DDX42: variants seen among roughly 807,000 people sequenced by gnomAD.
DDX42 encodes the protein ATP-dependent RNA helicase DDX42.
A neutral mutation model predicts 101.5 loss-of-function variants in DDX42; 22 were observed. The ratio of observed to expected loss-of-function variants is 0.22; its 90% confidence interval spans 0.15 to 0.31. DDX42 has a LOEUF of 0.31. Among genes scored for constraint, DDX42 ranks in the 10% least tolerant of loss-of-function variants. DDX42 has a pLI of 1.00. For missense variants in DDX42, 849 were observed against 1,199.9 expected, an observed-to-expected ratio of 0.71 and a Z score of 4.32; for synonymous variants, 402 against 401.2, an observed-to-expected ratio of 1.00 and a Z score of -0.02.
chr17:63,811,524 T>C, intron 13 of DDX42: 1 of 348,108 alleles, frequency 2.9e-6, no homozygotes, highest in Non-Finnish European at 5.2e-6. Flanking sequence ...TTTTAATTAT[T>C]GTGGTAGGGG....
intron 3 of DDX42, among the ~76,000 whole-genome samples, chr17:63,794,229 T>TA (rs1197345652): frequency 2.0e-4 from 30 of 152,274 alleles, no homozygotes; most frequent in African/African-American, 7.2e-4. Context: ...CTTTTCATGT[T>TA]ATTCTCCATA....
chr17:63,802,922 A>AAG (rs1277048179), intron 6 of DDX42, among the ~76,000 whole-genome samples: 1 of 151,894 alleles, frequency 6.6e-6, no homozygotes, highest in African/African-American at 2.4e-5. Context: ...AAAAAAAAAA[A>AAG]AAATTCAAGC....
At position 63,813,282 on chromosome 17, in the gene DDX42, G is replaced by A. The variant is rs749284929; in HGVS notation, c.1730G>A (p.Arg577Gln). 2 of 1,613,982 alleles carry A rather than the reference G, an allele frequency of 1.2e-6. No individual in the cohort carries two copies. The highest frequency in any genetic ancestry group is 1.7e-6 in the Non-Finnish European group (2 of 1,179,872). The change falls in exon 15 of 18, where the codon CGA (arginine) becomes CAA (glutamine). Residue 577 changes from arginine (R) to glutamine (Q), a missense_variant. Transcript: ENST00000389924. ...IKTVINYDVA[R>Q]DIDTHTHRIG... ...ACTGTCATTAACTATGATGTGGCAC[G>A]AGACATTGATACCCACACGCATAGG... is the stretch of plus-strand genomic sequence containing the variant.
At position 63,800,913 on chromosome 17, in the gene DDX42, TTTCCTTCCTTCCTTTCTTTCTTTTC is replaced by T. The variant is rs1567738656; in HGVS notation, c.621+299_621+323del. The stretch of plus-strand genomic sequence containing the variant: ...TCTTTCTTTCTCTTTCTTTCTTTTC[TTTCCTTCCTTCCTTTCTTTCTTTTC>T]TTTCCTTCCTTCCTTTCTTTCTTTT... On this transcript the variant is annotated intron_variant, in intron 6 of 17. Transcript: ENST00000389924. Among the ~76,000 whole-genome samples the T allele has an allele frequency of 6.9e-4, 15 of 21,880 alleles. 1 individual carries two copies. The African/African-American group carries it at 7.3e-3, about 11-fold the overall frequency. The allele number at this position is 21,880 out of a possible 152,430, so 14.4% of individuals were successfully genotyped here.
intron 1 of DDX42, among the ~76,000 whole-genome samples, chr17:63,781,242 G>T (rs956493894): frequency 6.6e-6 from 1 of 151,994 alleles, no homozygotes; most frequent in Non-Finnish European, 1.5e-5. Flanking sequence ...TTTTGAGACA[G>T]AGTCTCGCAC....
intron 3 of DDX42, among the ~76,000 whole-genome samples, chr17:63,793,548 A>G (rs771226219): frequency 2.0e-5 from 3 of 152,206 alleles, no homozygotes; most frequent in Non-Finnish European, 4.4e-5. Context: ...GACCACAGGC[A>G]TAAGCCACTG....
At chr17:63,815,523 C>G (rs745900019) in intron 15 of DDX42, 40 bp from the exon 16 acceptor site, 1 of 1,457,186 alleles carries the variant, frequency 6.9e-7, no homozygotes, top group Non-Finnish European at 9.6e-7. Context: ...CTGTTCTTTT[C>G]TCCCTCCCTT....
rs1330927988 is a variant in DDX42, at chr17:63,818,650, A to G, written c.*252A>G. On this transcript the variant is annotated 3_prime_UTR_variant, in exon 18 of 18. Transcript: ENST00000389924. ...CTCTAGGTGAGTTGTCATGTGGGTA[A>G]GTTGAGGTTATCTTGGGATAAAGGG... is the stretch of plus-strand genomic sequence containing the variant. 6 of 437,520 alleles carry G rather than the reference A, an allele frequency of 1.4e-5. No individual in the cohort carries two copies. The highest frequency in any genetic ancestry group is 2.5e-5 in the Non-Finnish European group (6 of 241,756). 27.1% of individuals were successfully genotyped at this position (437,520 alleles called of 1,614,324 possible). A position where few individuals can be genotyped will look rare whatever the true frequency, so the allele number is the denominator to read the frequency against.
At chr17:63,806,389 C>G in intron 7 of DDX42, 146 bp from the exon 8 acceptor site, 2 of 797,258 alleles carry the variant, frequency 2.5e-6, no homozygotes, top group Non-Finnish European at 3.6e-6. Flanking sequence ...GAGGTTTTTC[C>G]TTTTCATTGT....
chr17:63,804,079 A>AT (rs1017401112), intron 6 of DDX42, among the ~76,000 whole-genome samples: 2 of 151,852 alleles, frequency 1.3e-5, no homozygotes, highest in African/African-American at 4.8e-5. Context: ...TCTTCTTCCA[A>AT]TTTTTTTTAT....
Position 63,818,673 on chromosome 17 carries a change from G to T in DDX42, c.*275G>T. 1 of 380,104 alleles carries T rather than the reference G, an allele frequency of 2.6e-6. No individual in the cohort carries two copies. Among genetic ancestry groups the T allele is most frequent in the South Asian group, 3.9e-5 (1 of 25,488 alleles). 23.5% of individuals were successfully genotyped at this position (380,104 alleles called of 1,614,324 possible). A position where few individuals can be genotyped will look rare whatever the true frequency, so the allele number is the denominator to read the frequency against. On this transcript the variant is annotated 3_prime_UTR_variant, in exon 18 of 18. Coordinates refer to ENST00000389924, the MANE Select transcript of DDX42 (RefSeq NM_203499.3). ...TAAGTTGAGGTTATCTTGGGATAAA[G>T]GGTCTTCTAGGGCACAAAACTCACT...
rs555226524 is a variant in DDX42, at chr17:63,804,461, A to G, written c.622-610A>G. On this transcript the variant is annotated intron_variant, in intron 6 of 17. Coordinates refer to ENST00000389924, the MANE Select transcript of DDX42 (RefSeq NM_203499.3). ...GTTATAAACAACTCCATGTTTTTAAACAGAATAGAACTCCCTCTAAAAGCA... is the reference window on the plus strand; with the variant it reads ...GTTATAAACAACTCCATGTTTTTAAGCAGAATAGAACTCCCTCTAAAAGCA... 7.2e-5 allele frequency among the ~76,000 whole-genome samples: 11 copies of G among 152,356 alleles called. No homozygotes were observed. The South Asian group carries it at 2.3e-3, about 32-fold the overall frequency.
chr17:63,782,450 A>G (rs927570424), intron 1 of DDX42, among the ~76,000 whole-genome samples: 1 of 152,106 alleles, frequency 6.6e-6, no homozygotes, highest in South Asian at 2.1e-4. Flanking sequence ...CAGCTCTCTC[A>G]TAGATACTGA....
intron 4 of DDX42, among the ~76,000 whole-genome samples, chr17:63,799,111 G>C (rs2039729505): frequency 6.6e-6 from 1 of 152,138 alleles, no homozygotes; most frequent in African/African-American, 2.4e-5. Context: ...TTTTCACTCT[G>C]TCCCCATCCC....
At chr17:63,793,856 T>TTATATATA (rs138103837) in intron 3 of DDX42, among the ~76,000 whole-genome samples, 8 of 70,684 alleles carry the variant, frequency 1.1e-4, no homozygotes, top group Non-Finnish European at 2.0e-4. Flanking sequence ...GCAGAAAAAT[T>TTATATATA]TATATATATA....
At chr17:63,779,243 CAA>C (rs1228670364) in intron 1 of DDX42, among the ~76,000 whole-genome samples, 2 of 152,022 alleles carry the variant, frequency 1.3e-5, no homozygotes, top group Non-Finnish European at 2.9e-5. Flanking sequence ...TGAATTTCCC[CAA>C]GTGTGTTTTT....
At chr17:63,783,855 G>A (rs958061373) in intron 1 of DDX42, among the ~76,000 whole-genome samples, 2 of 152,074 alleles carry the variant, frequency 1.3e-5, no homozygotes, top group African/African-American at 4.8e-5. Flanking sequence ...TTGAGGTCGG[G>A]AGTACAAGAC....
At chr17:63,781,400 G>A (rs1773335555) in intron 1 of DDX42, among the ~76,000 whole-genome samples, 1 of 151,954 alleles carries the variant, frequency 6.6e-6, no homozygotes, top group Non-Finnish European at 1.5e-5. Context: ...TGTATTTTTA[G>A]TAGAGATGGG....
intron 17 of DDX42, 92 bp downstream of exon 17, chr17:63,817,058 C>T (rs2039985416): frequency 2.8e-6 from 3 of 1,070,436 alleles, no homozygotes; most frequent in Admixed American, 4.4e-5. Flanking sequence ...AGCTGGGCGC[C>T]TAGGCTTGAT....
Sources: gnomAD v4.1 joint callset for allele counts (sites outside exome capture counted in the v4.1 genomes callset) on GRCh38, gnomAD v4.1.1 for gene constraint, MANE v1.5 for transcripts, NCBI Gene and HGNC (gene_info 2026-07-23, HGNC 2026-07-21) for gene names.